Variants in DGKB observed in about 807,000 individuals in gnomAD.
DGKB encodes the protein diacylglycerol kinase beta, also known as 90 kDa diacylglycerol kinase.
In DGKB, 67 loss-of-function variants were observed where a neutral mutation model predicts 114.3. The ratio of observed to expected loss-of-function variants is 0.59; its 90% CI spans 0.48 to 0.72. The LOEUF is 0.72. Ranked by LOEUF, DGKB falls within the 30% of genes least tolerant of loss-of-function variation. DGKB has a pLI of 0.00. For synonymous variants in DGKB, 398 were observed against 323.1 expected (o/e 1.23, Z -2.49); for missense variants, 907 against 975.2 (o/e 0.93, Z 0.93).
At chr7:14,602,394 A>G (rs1803710412) in intron 17 of DGKB, among the ~76,000 whole-genome samples, 1 of 152,204 alleles carries the variant, frequency 6.6e-6, no homozygotes, top group African/African-American at 2.4e-5. Context: ...TGGGGGACCC[A>G]ATCCAGAATG....
chr7:14,584,474 T>C (rs1430413132), intron 17 of DGKB, among the ~76,000 whole-genome samples: 1 of 152,110 alleles, frequency 6.6e-6, no homozygotes, highest in Non-Finnish European at 1.5e-5. Flanking sequence ...TATGAACAAC[T>C]TTATGATATG....
chr7:14,215,190 A>G (rs924132366), intron 23 of DGKB, among the ~76,000 whole-genome samples: 6 of 152,204 alleles, frequency 3.9e-5, no homozygotes, highest in African/African-American at 1.4e-4. Flanking sequence ...TTTCTCATAC[A>G]GAATAAACAG....
intron 6 of DGKB, among the ~76,000 whole-genome samples, chr7:14,714,462 T>C (rs554850544): frequency 6.6e-6 from 1 of 152,038 alleles, no homozygotes; most frequent in East Asian, 1.9e-4. Flanking sequence ...TTACGCATTA[T>C]GAAATCAGGA....
intron 23 of DGKB, among the ~76,000 whole-genome samples, chr7:14,189,049 G>T (rs1783912792): frequency 6.6e-6 from 1 of 152,096 alleles, no homozygotes; most frequent in Non-Finnish European, 1.5e-5. Context: ...TGCTACAAAT[G>T]GAAACAAAAG....
intron 9 of DGKB, among the ~76,000 whole-genome samples, chr7:14,687,906 G>C (rs1822002722): frequency 6.6e-6 from 1 of 152,148 alleles, no homozygotes; most frequent in Admixed American, 6.5e-5. Context: ...CGTGTTACAG[G>C]CTGCAACTGA....
chr7:14,973,340 C>T (rs2115314852), intron 1 of DGKB, among the ~76,000 whole-genome samples: 1 of 151,526 alleles, frequency 6.6e-6, no homozygotes, highest in East Asian at 1.9e-4. Context: ...TATATTATAG[C>T]CACAGTCAGT....
chr7:14,218,147 G>T (rs930104173), intron 23 of DGKB, among the ~76,000 whole-genome samples: 8 of 152,040 alleles, frequency 5.3e-5, no homozygotes, highest in African/African-American at 1.9e-4. Flanking sequence ...TTCAGATTAT[G>T]TAAAATTTGA....
At position 14,349,900 on chromosome 7, in the gene DGKB, T is replaced by C. The variant is rs189787856; in HGVS notation, c.1836-4509A>G. On this transcript the variant is annotated intron_variant, in intron 21 of 25. Coordinates refer to ENST00000402815, the MANE Select transcript of DGKB (RefSeq NM_001350709.2). ...ATATGGTAACTCGACATTTAACCTA[T>C]TGTGAAATGGTCACAGCAAAGTCAA... Among the ~76,000 whole-genome samples, 121 of 152,268 alleles carry C rather than the reference T, an allele frequency of 7.9e-4. 1 individual carries two copies. The Middle Eastern group carries it at 0.014, about 17-fold the overall frequency.
At chr7:14,156,890 G>A (rs1783104099) in intron 25 of DGKB, among the ~76,000 whole-genome samples, 1 of 152,104 alleles carries the variant, frequency 6.6e-6, no homozygotes, top group South Asian at 2.1e-4. Context: ...TTTTGATAAT[G>A]TACCAACTGA....
chr7:14,334,887 G>C (rs1236416910), intron 23 of DGKB, among the ~76,000 whole-genome samples: 1 of 152,130 alleles, frequency 6.6e-6, no homozygotes, highest in Admixed American at 6.5e-5. Flanking sequence ...TTACAGTTTT[G>C]CTTCAAGACT....
chr7:14,545,501 A>C (rs1584719715), intron 20 of DGKB, among the ~76,000 whole-genome samples: 1 of 152,214 alleles, frequency 6.6e-6, no homozygotes, highest in African/African-American at 2.4e-5. Flanking sequence ...CTCAAAAATG[A>C]CATGTATTAC....
intron 12 of DGKB, among the ~76,000 whole-genome samples, chr7:14,673,699 T>C (rs1398075863): frequency 6.6e-6 from 1 of 152,086 alleles, no homozygotes; most frequent in Non-Finnish European, 1.5e-5. Flanking sequence ...AACCTGGTCA[T>C]AAGTTTACAT....
intron 1 of DGKB, among the ~76,000 whole-genome samples, chr7:14,966,679 A>G (rs1247756012): frequency 1.3e-5 from 2 of 152,094 alleles, no homozygotes; most frequent in Non-Finnish European, 2.9e-5. Flanking sequence ...TGACCAGATG[A>G]GAGATTTGTT....
At chr7:14,392,996 T>TTTTTGTTTTTGTTTTTG (rs1387881634) in intron 21 of DGKB, among the ~76,000 whole-genome samples, 1 of 26,408 alleles carries the variant, frequency 3.8e-5, no homozygotes, top group South Asian at 1.1e-3. Flanking sequence ...TTTGTTTTTG[T>TTTTTGTTTTTGTTTTTG]TTTTTTTTTT....
chr7:14,223,631 ATCTGGGG>A (rs1378496117), intron 23 of DGKB, among the ~76,000 whole-genome samples: 2 of 151,806 alleles, frequency 1.3e-5, no homozygotes, highest in African/African-American at 2.4e-5. Context: ...TTATTATAAT[ATCTGGGG>A]TCAGTTGCTT....
At position 14,883,271 on chromosome 7, in the gene DGKB, T is replaced by A. The variant is rs760789327; in HGVS notation, c.-188+19321A>T. ...CACATATACAATATATACCTATATA[T>A]TTGTTTGCAAAGTTTTAAGGGTCTA... On this transcript the variant is annotated intron_variant, in intron 1 of 25. Transcript: ENST00000402815. Among the ~76,000 whole-genome samples, 88 of 151,948 alleles carry A rather than the reference T, an allele frequency of 5.8e-4. 1 individual carries two copies. Among genetic ancestry groups the A allele is most frequent in the Admixed American group, 5.9e-4 (9 of 15,224 alleles).
chr7:14,506,787 T>C (rs1308729025), intron 20 of DGKB, among the ~76,000 whole-genome samples: 1 of 152,218 alleles, frequency 6.6e-6, no homozygotes, highest in Non-Finnish European at 1.5e-5. Flanking sequence ...TTCTCTGCTA[T>C]GGCTAAGGCT....
At chr7:14,504,422 G>A (rs1786692301) in intron 20 of DGKB, among the ~76,000 whole-genome samples, 1 of 152,130 alleles carries the variant, frequency 6.6e-6, no homozygotes, top group South Asian at 2.1e-4. Context: ...TTCTTATCCG[G>A]ACTCATTAAA....
At chr7:14,245,665 C>T (rs976413806) in intron 23 of DGKB, among the ~76,000 whole-genome samples, 2 of 152,122 alleles carry the variant, frequency 1.3e-5, no homozygotes, top group Admixed American at 6.5e-5. Flanking sequence ...AGACGGCTGA[C>T]GCCTGTAATC....
Sources: allele counts gnomAD v4.1 joint callset (sites outside exome capture counted in the v4.1 genomes callset), GRCh38; gene constraint gnomAD v4.1.1; transcripts MANE v1.5; gene names NCBI Gene and HGNC (gene_info 2026-07-23, HGNC 2026-07-21).